Variants in CHRM2 observed in about 807,000 individuals in gnomAD.
CHRM2 encodes muscarinic acetylcholine receptor M2.
A neutral mutation model predicts 25.0 loss-of-function variants in CHRM2; 8 were observed. That is an observed-to-expected ratio of 0.32 (90% CI 0.19 to 0.58). The LOEUF (loss-of-function observed/expected upper bound fraction) is 0.58, where lower values mean the gene tolerates loss of function less well. Among genes scored for constraint, CHRM2 ranks in the 20% least tolerant of loss-of-function variants. The pLI is 0.88. For missense variants in CHRM2, 440 were observed against 567.1 expected (o/e 0.78, Z 2.28); for synonymous variants, 202 against 205.7 (o/e 0.98, Z 0.15).
Position 137,015,265 on chromosome 7 carries a change from A to C in CHRM2, c.400A>C (p.Lys134Gln). ...CVTKPLTYPV[K>Q]RTTKMAGMMI... Reference sequence around the variant, plus strand: ...CACAAAACCTCTGACCTACCCAGTCAAGCGGACCACAAAAATGGCAGGTAT... The same window carrying C: ...CACAAAACCTCTGACCTACCCAGTCCAGCGGACCACAAAAATGGCAGGTAT... Residue 134 changes from lysine (K) to glutamine (Q), a missense_variant, in exon 4 of 4, where the codon AAG becomes CAG. Lys to Gln is a moderately conservative substitution (Grantham distance 53, BLOSUM62 1). Transcript: ENST00000680005. This position sits in a 1 kb window ranked among gnomAD's most constrained non-coding sequence, Gnocchi z 5.1. The C allele has an allele frequency of 6.2e-7, 1 of 1,613,420 alleles. No homozygotes were observed.
chr7:136,874,379 G>T (rs1342425948), intron 2 of CHRM2, among the ~76,000 whole-genome samples: 1 of 151,212 alleles, frequency 6.6e-6, no homozygotes, highest in Admixed American at 6.6e-5. Flanking sequence ...ACATGTTCTA[G>T]CTCCTTCTTT....
chr7:136,952,524 A>G (rs113981420), intron 2 of CHRM2, among the ~76,000 whole-genome samples: 3 of 152,110 alleles, frequency 2.0e-5, no homozygotes, highest in African/African-American at 7.2e-5. Flanking sequence ...TTCTCTACCC[A>G]TGATGACTGA....
intron 2 of CHRM2, chr7:136,951,188 T>A (rs1471691235): frequency 6.6e-6 from 1 of 152,152 alleles, no homozygotes; most frequent in African/African-American, 2.4e-5. Context: ...CCAGCTCGAA[T>A]GGTTCTTGTT....
At chr7:136,914,542 T>A (rs1334643098) in intron 2 of CHRM2, among the ~76,000 whole-genome samples, 2 of 151,886 alleles carry the variant, frequency 1.3e-5, no homozygotes, top group Non-Finnish European at 2.9e-5. Context: ...TCAGAATATG[T>A]CCCTTTAAAA....
intron 2 of CHRM2, among the ~76,000 whole-genome samples, chr7:136,943,455 G>C (rs1323745138): frequency 6.6e-6 from 1 of 152,048 alleles, no homozygotes; most frequent in Non-Finnish European, 1.5e-5. Flanking sequence ...TAGCATTTTT[G>C]TTTCTTTTAC....
intron 2 of CHRM2, among the ~76,000 whole-genome samples, chr7:136,950,493 T>C (rs79554988): frequency 0.013 from 2,021 of 152,276 alleles, 42 homozygotes; most frequent in African/African-American, 0.047. Flanking sequence ...AGGAAATGGA[T>C]GGTGCCTGAG....
intron 2 of CHRM2, among the ~76,000 whole-genome samples, chr7:136,984,599 G>T (rs1802717110): frequency 6.6e-6 from 1 of 152,130 alleles, no homozygotes; most frequent in Admixed American, 6.5e-5. Context: ...TCTCCTCCCT[G>T]GTCTGTAGGT....
intron 2 of CHRM2, among the ~76,000 whole-genome samples, chr7:136,980,634 T>C (rs1394963764): frequency 6.6e-6 from 1 of 152,186 alleles, no homozygotes; most frequent in Non-Finnish European, 1.5e-5. Context: ...ACCTAGTTTA[T>C]GAGTATTTTT....
At chr7:136,875,659 C>T (rs1315892446) in intron 2 of CHRM2, among the ~76,000 whole-genome samples, 1 of 152,140 alleles carries the variant, frequency 6.6e-6, no homozygotes, top group Non-Finnish European at 1.5e-5. Context: ...TGTCGTTCTC[C>T]TGTTTAAAAT....
At chr7:136,974,318 C>T (rs1801975716) in intron 2 of CHRM2, among the ~76,000 whole-genome samples, 1 of 152,092 alleles carries the variant, frequency 6.6e-6, no homozygotes, top group Admixed American at 6.6e-5. Context: ...CTGTGCTAAG[C>T]AGAGGAGACA....
intron 2 of CHRM2, among the ~76,000 whole-genome samples, chr7:136,891,596 C>A (rs1384942330): frequency 6.6e-6 from 1 of 152,130 alleles, no homozygotes; most frequent in Non-Finnish European, 1.5e-5. Context: ...CTTTTCATGG[C>A]CTTCAATGCA....
At position 137,001,888 on chromosome 7, in the gene CHRM2, A is replaced by T. The variant is rs147321807; in HGVS notation, c.-47+9624A>T. Among the ~76,000 whole-genome samples the T allele has an allele frequency of 6.6e-5, 10 of 152,320 alleles. No individual in the cohort carries two copies. The East Asian group carries it at 1.9e-3, about 29-fold the overall frequency. ...CCAGTCTCAGCAGAAGAGTAACATG[A>T]CATGAGAGATTGGGAAACTGTCCTT... On this transcript the variant is annotated intron_variant, in intron 3 of 3. Coordinates refer to ENST00000680005, the MANE Select transcript of CHRM2 (RefSeq NM_001006630.2).
At chr7:136,994,489 T>G (rs992747038) in intron 3 of CHRM2, among the ~76,000 whole-genome samples, 13 of 151,298 alleles carry the variant, frequency 8.6e-5, no homozygotes, top group Admixed American at 6.6e-4. Flanking sequence ...AATATTCATT[T>G]TCTATAGTGC....
chr7:136,961,443 A>ATGT (rs992611142), intron 2 of CHRM2, among the ~76,000 whole-genome samples: 4 of 152,214 alleles, frequency 2.6e-5, no homozygotes, highest in African/African-American at 9.6e-5. Flanking sequence ...ATATTGTAAA[A>ATGT]TGTTATACTG....
chr7:136,879,508 G>A (rs2130495621), intron 2 of CHRM2, among the ~76,000 whole-genome samples: 1 of 151,858 alleles, frequency 6.6e-6, no homozygotes, highest in African/African-American at 2.4e-5. Flanking sequence ...ACTGTCTATT[G>A]GGAAATGATA....
At position 136,967,162 on chromosome 7, in the gene CHRM2, G is replaced by A. The variant is rs567685867; in HGVS notation, c.-124-25025G>A. On this transcript the variant is annotated intron_variant, in intron 2 of 3. Transcript: ENST00000680005. Reference sequence around the variant, plus strand: ...CTAGCCATCTGATAATGTGTTTCAGGATTCCTGCATGGATAGCACTGTGGA... The same window carrying A: ...CTAGCCATCTGATAATGTGTTTCAGAATTCCTGCATGGATAGCACTGTGGA... Among the ~76,000 whole-genome samples, 82 of 152,076 alleles carry A rather than the reference G, an allele frequency of 5.4e-4. 1 individual carries two copies. The highest frequency in any genetic ancestry group is 8.3e-4 in the Non-Finnish European group (56 of 67,876).
intron 2 of CHRM2, among the ~76,000 whole-genome samples, chr7:136,924,538 A>G (rs1202470129): frequency 6.6e-6 from 1 of 152,076 alleles, no homozygotes; most frequent in African/African-American, 2.4e-5. Context: ...TATTTCTAAT[A>G]TTCCTATTAA....
At chr7:136,934,922 A>G (rs535608930) in intron 2 of CHRM2, among the ~76,000 whole-genome samples, 3 of 152,234 alleles carry the variant, frequency 2.0e-5, no homozygotes, top group African/African-American at 7.2e-5. Flanking sequence ...TTATCAATAA[A>G]CTATAAATAG....
chr7:136,963,122 T>G (rs1279462243), intron 2 of CHRM2, among the ~76,000 whole-genome samples: 1 of 152,038 alleles, frequency 6.6e-6, no homozygotes, highest in Non-Finnish European at 1.5e-5. Flanking sequence ...GAGAGAAAAT[T>G]ACTTTTGAAA....
Sources: allele counts gnomAD v4.1 joint callset (sites outside exome capture counted in the v4.1 genomes callset), GRCh38; gene constraint gnomAD v4.1.1; non-coding constraint Gnocchi (gnomAD v3.1); transcripts MANE v1.5; gene names NCBI Gene and HGNC (gene_info 2026-07-23, HGNC 2026-07-21).